GRIK4: variants seen among roughly 807,000 people sequenced by gnomAD.
GRIK4 encodes glutamate receptor ionotropic, kainate 4.
A neutral mutation model predicts 104.9 loss-of-function variants in GRIK4; 40 were observed. The ratio of observed to expected loss-of-function variants is 0.38; its 90% CI spans 0.30 to 0.50. GRIK4 has a LOEUF of 0.50. Ranked by LOEUF, GRIK4 falls within the 20% of genes least tolerant of loss-of-function variation. GRIK4 has a pLI of 0.93. For missense variants in GRIK4, 1,047 were observed against 1,308.1 expected (o/e 0.80, Z 3.08); for synonymous variants, 485 against 524.9 (o/e 0.92, Z 1.04).
intron 1 of GRIK4, among the ~76,000 whole-genome samples, chr11:120,623,422 C>T (rs192932591): frequency 2.0e-4 from 30 of 152,196 alleles, no homozygotes; most frequent in Non-Finnish European, 3.1e-4. Context: ...TGTGAACCAC[C>T]GCACCCGGCC....
At chr11:120,618,773 TG>T (rs1348898391) in intron 1 of GRIK4, among the ~76,000 whole-genome samples, 4 of 152,244 alleles carry the variant, frequency 2.6e-5, no homozygotes, top group Admixed American at 6.5e-5. Context: ...GGTGCTAAGC[TG>T]GCAGGTGCAC....
chr11:120,620,015 TTAG>T, intron 1 of GRIK4: 2 of 520,910 alleles, frequency 3.8e-6, no homozygotes, highest in Non-Finnish European at 7.1e-6. Context: ...GGTGGAGCTG[TTAG>T]CGTAGTGAAC....
At chr11:120,923,351 G>A (rs2134575726) in intron 13 of GRIK4, among the ~76,000 whole-genome samples, 1 of 150,472 alleles carries the variant, frequency 6.6e-6, no homozygotes, top group African/African-American at 2.4e-5. Flanking sequence ...TAGAAGAATA[G>A]CAACGAACAC....
chr11:120,933,004 T>A (rs1391625974), intron 13 of GRIK4, among the ~76,000 whole-genome samples: 1 of 152,210 alleles, frequency 6.6e-6, no homozygotes, highest in East Asian at 1.9e-4. Context: ...AGGAGAATCA[T>A]GTTTGGAGGA....
chr11:120,905,384 C>T lies in GRIK4; in HGVS notation c.1367C>T (p.Ala456Val), dbSNP rs1942844656. 1 of 1,613,764 alleles carries T rather than the reference C, an allele frequency of 6.2e-7. No individual in the cohort carries two copies. Among genetic ancestry groups the T allele is most frequent in the African/African-American group, 1.3e-5 (1 of 74,896 alleles). Residue 456 changes from alanine to valine, a missense_variant, in exon 13 of 21, where the codon GCA (alanine) becomes GTA (valine). This residue lies in a region of GRIK4 where 440 missense variants were observed against 652.3 expected (regional missense o/e 0.67). Transcript: ENST00000527524. The surrounding 1 kb of genome is among the most constrained non-coding windows in gnomAD (Gnocchi z 5.1). ...GFCVDMLKEL[A>V]EILRFNYKIR... is the part of the protein sequence containing the mutation. ...TGTGTGGACATGCTCAAGGAGCTGG[C>T]AGAGATCCTCCGATTCAACTACAAG... is the stretch of plus-strand genomic sequence containing the variant.
rs1254153862 is a variant in GRIK4, at chr11:120,904,524, C to T, written c.1273-766C>T. Reference sequence around the variant, plus strand: ...CTCCTACTACTTAGTATTCCTTACTCGCAGCCTTGCGTCTTTAAAACGCTT... The same window carrying T: ...CTCCTACTACTTAGTATTCCTTACTTGCAGCCTTGCGTCTTTAAAACGCTT... On this transcript the variant is annotated intron_variant, in intron 12 of 20. Transcript: ENST00000527524. Among the ~76,000 whole-genome samples, 6 of 152,358 alleles carry T rather than the reference C, an allele frequency of 3.9e-5. No homozygotes were observed. The East Asian group carries it at 5.8e-4, about 15-fold the overall frequency.
intron 13 of GRIK4, among the ~76,000 whole-genome samples, chr11:120,928,213 T>TAA (rs5795252): frequency 0.68 from 85,949 of 126,096 alleles, 32,329 homozygotes; most frequent in East Asian, 0.97. Context: ...GACTCCGTCT[T>TAA]AAAAAAAAAA....
At chr11:120,832,392 G>T (rs1451033973) in intron 7 of GRIK4, among the ~76,000 whole-genome samples, 1 of 152,172 alleles carries the variant, frequency 6.6e-6, no homozygotes, top group African/African-American at 2.4e-5. Context: ...GTATAGAAAT[G>T]GTTCCGTAGT....
intron 1 of GRIK4, among the ~76,000 whole-genome samples, chr11:120,554,747 C>T (rs576081936): frequency 1.4e-4 from 22 of 152,146 alleles, no homozygotes; most frequent in African/African-American, 4.1e-4. Context: ...TTAGTAGAGA[C>T]GGAGTTTCAC....
At chr11:120,723,772 T>G (rs1290500040) in intron 3 of GRIK4, among the ~76,000 whole-genome samples, 1 of 149,966 alleles carries the variant, frequency 6.7e-6, no homozygotes, top group Non-Finnish European at 1.5e-5. Flanking sequence ...AACCAGTGGT[T>G]CTTGGTAAGG....
At chr11:120,860,423 C>G (rs763442129) in intron 8 of GRIK4, among the ~76,000 whole-genome samples, 12 of 152,284 alleles carry the variant, frequency 7.9e-5, no homozygotes, top group Non-Finnish European at 1.3e-4. Flanking sequence ...GCACTCACAC[C>G]TGCAGGCTAA....
At chr11:120,563,577 G>A (rs528156018) in intron 1 of GRIK4, among the ~76,000 whole-genome samples, 20 of 152,272 alleles carry the variant, frequency 1.3e-4, no homozygotes, top group Non-Finnish European at 2.5e-4. Context: ...CTGGGAGAAG[G>A]CAGCAGCAGC....
At chr11:120,775,523 T>C (rs572674111) in intron 3 of GRIK4, among the ~76,000 whole-genome samples, 12 of 152,352 alleles carry the variant, frequency 7.9e-5, no homozygotes, top group Middle Eastern at 3.4e-3. Context: ...TTGGAAAGTA[T>C]AAAACATGAC....
intron 3 of GRIK4, among the ~76,000 whole-genome samples, chr11:120,690,178 T>A (rs552720797): frequency 6.6e-6 from 1 of 152,306 alleles, no homozygotes; most frequent in African/African-American, 2.4e-5. Context: ...AGACCCTAAA[T>A]GCTGAAGCAT....
chr11:120,805,864 G>A (rs1041715042), intron 4 of GRIK4, among the ~76,000 whole-genome samples: 1 of 152,200 alleles, frequency 6.6e-6, no homozygotes, highest in Non-Finnish European at 1.5e-5. Flanking sequence ...ATCTCTGGGT[G>A]GAGGAGAGCC....
rs74657929 is a variant in GRIK4, at chr11:120,715,093, C to A, written c.82+54693C>A. On this transcript the variant is annotated intron_variant, in intron 3 of 20. Transcript: ENST00000527524. ...ACTACCTTCATCCGTGGGACTGGAG[C>A]TCAAAAGACAGGTATAGGCTGGAAA... Among the ~76,000 whole-genome samples, 931 of 152,256 alleles carry A rather than the reference C, an allele frequency of 6.1e-3. 13 individuals carry two copies. Among genetic ancestry groups the A allele is most frequent in the African/African-American group, 0.022 (903 of 41,542 alleles).
chr11:120,704,962 T>C (rs9630199), intron 3 of GRIK4, among the ~76,000 whole-genome samples: 36,291 of 152,146 alleles, frequency 0.24, 6,352 homozygotes, highest in African/African-American at 0.5. Context: ...GTTCTTTCCC[T>C]AGTGAATAGT....
chr11:120,875,217 C>G lies in GRIK4; in HGVS notation c.1138C>G (p.Gln380Glu). The change falls in exon 11 of 21, where the codon CAG becomes GAG. Residue 380 changes from glutamine to glutamate, a missense_variant. Gln to Glu is a conservative substitution (Grantham distance 29, BLOSUM62 2). This residue lies in a region of GRIK4 where 447 missense variants were observed against 514.9 expected (regional missense o/e 0.87). Transcript: ENST00000527524. ...QRSNYALKILQFTRNGFRQIG... is the reference protein window; with the variant it reads ...QRSNYALKILEFTRNGFRQIG... ...GTCCAACTACGCTTTGAAAATCTTA[C>G]AGTTCACAAGGAATGGTTTTCGGCA... 1.9e-6 allele frequency: 3 copies of G among 1,612,692 alleles called. No individual in the cohort carries two copies. The highest frequency in any genetic ancestry group is 1.7e-6 in the Non-Finnish European group (2 of 1,178,690).
In GRIK4 at chr11:120,936,061, A is replaced by ATCT. The variant is rs546596900; in HGVS notation, c.1477-4283_1477-4281dup. 707 of 87,964 alleles carry ATCT rather than the reference A, an allele frequency of 8.0e-3. 7 individuals carry two copies. The highest frequency in any genetic ancestry group is 0.03 in the Admixed American group (126 of 4,248). 5.4% of individuals were successfully genotyped at this position (87,964 alleles called of 1,614,324 possible). A position where few individuals can be genotyped will look rare whatever the true frequency, so the allele number is the denominator to read the frequency against. On this transcript the variant is annotated intron_variant, in intron 13 of 20. Coordinates refer to ENST00000527524, the MANE Select transcript of GRIK4 (RefSeq NM_014619.5). Reference sequence around the variant, plus strand: ...CATCATCCTGGTCTTCATCTTCTTCATCTTCCTCCTCCTCCTCTTCATCTT... The same window carrying ATCT: ...CATCATCCTGGTCTTCATCTTCTTCATCTTCTTCCTCCTCCTCCTCTTCATCTT...
Sources: allele counts gnomAD v4.1 joint callset (sites outside exome capture counted in the v4.1 genomes callset), GRCh38; gene constraint gnomAD v4.1.1; regional missense constraint gnomAD v4.1.1; non-coding constraint Gnocchi (gnomAD v3.1); transcripts MANE v1.5; gene names NCBI Gene and HGNC (gene_info 2026-07-23, HGNC 2026-07-21).